Variants in C1QTNF3 observed in about 807,000 individuals in gnomAD.
C1QTNF3 encodes C1q and TNF related 3.
C1QTNF3 carries 26 observed loss-of-function variants against 32.6 expected under a neutral mutation model. The ratio of observed to expected loss-of-function variants is 0.80; its 90% CI spans 0.58 to 1.11. C1QTNF3 has a LOEUF of 1.11. Ranked by LOEUF, C1QTNF3 falls within the 50% of genes least tolerant of loss-of-function variation. The pLI is 0.00. For missense variants in C1QTNF3, 362 were observed against 398.2 expected (o/e 0.91, Z 0.77); for synonymous variants, 155 against 146.0 (o/e 1.06, Z -0.44).
the C1QTNF3 span, chr5:34,158,661 C>T: frequency 1.3e-5 from 2 of 152,048 alleles, no homozygotes; most frequent in Non-Finnish European, 2.9e-5. Context: ...TGACCATTAT[C>T]TGATTTCATA....
Position 34,029,079 on chromosome 5 carries a change from C to A in C1QTNF3, c.571-196G>T, listed in dbSNP as rs549516392. The A allele has an allele frequency of 5.4e-4, 222 of 413,624 alleles. 1 individual carries two copies. The highest frequency in any genetic ancestry group is 1.9e-3 in the Middle Eastern group (3 of 1,570). 25.6% of individuals were successfully genotyped at this position (413,624 alleles called of 1,614,324 possible). A position where few individuals can be genotyped will look rare whatever the true frequency, so the allele number is the denominator to read the frequency against. On this transcript the variant is annotated intron_variant, in intron 3 of 5. Transcript: ENST00000382065. ...CAGCCATTAGATTGACAATGTCTAT[C>A]AACAGTTCTGAACATAGGTTTCAAA...
chr5:34,174,251 G>C, the C1QTNF3 span, among the ~76,000 whole-genome samples: 1 of 152,270 alleles, frequency 6.6e-6, no homozygotes, highest in South Asian at 2.1e-4. Flanking sequence ...TAGAGACATG[G>C]TTTCACCATG....
intron 2 of C1QTNF3, 94 bp downstream of exon 2, chr5:34,035,553 C>T: frequency 1.1e-6 from 1 of 939,736 alleles, no homozygotes; most frequent in Non-Finnish European, 1.7e-6. Flanking sequence ...CTTTGGATCA[C>T]ACAGAAGTGA....
chr5:34,232,892 T>G, the C1QTNF3 span, among the ~76,000 whole-genome samples: 2 of 151,046 alleles, frequency 1.3e-5, no homozygotes, highest in Admixed American at 1.3e-4. Flanking sequence ...GTTTAACTCC[T>G]TGCAACTTAC....
At chr5:34,231,125 G>A in the C1QTNF3 span, among the ~76,000 whole-genome samples, 9 of 152,002 alleles carry the variant, frequency 5.9e-5, no homozygotes. Flanking sequence ...TCAAAATGGT[G>A]TACTTTCTTG....
chr5:34,117,886 C>T, the C1QTNF3 span, among the ~76,000 whole-genome samples: 72 of 151,798 alleles, frequency 4.7e-4, no homozygotes, highest in Non-Finnish European at 9.4e-4. Flanking sequence ...TGCATTTTTA[C>T]GCTGATGGCT....
chr5:34,024,208 T>A, intron 4 of C1QTNF3, 200 bp from the exon 5 acceptor site: 1 of 523,690 alleles, frequency 1.9e-6, no homozygotes, highest in Non-Finnish European at 3.5e-6. Flanking sequence ...GTACACTGTG[T>A]ATCCCGAATA....
chr5:34,222,585 T>C, the C1QTNF3 span, among the ~76,000 whole-genome samples: 2 of 152,044 alleles, frequency 1.3e-5, no homozygotes, highest in African/African-American at 4.8e-5. Flanking sequence ...TGCAATTTCA[T>C]AAAATGAAGT....
intron 2 of C1QTNF3, among the ~76,000 whole-genome samples, chr5:34,033,903 T>C (rs1327351314): frequency 6.6e-6 from 1 of 152,264 alleles, no homozygotes. Flanking sequence ...GGCTCACAAC[T>C]GTAATCTCAA....
the C1QTNF3 span, chr5:34,166,382 C>T: frequency 3.3e-5 from 5 of 151,664 alleles, no homozygotes; most frequent in Admixed American, 6.6e-5. Flanking sequence ...GTTTTAGACC[C>T]AGAGAGACTG....
chr5:34,039,771 CTAAAG>C (rs1003903738), intron 1 of C1QTNF3, among the ~76,000 whole-genome samples: 5 of 152,162 alleles, frequency 3.3e-5, no homozygotes, highest in African/African-American at 4.8e-5. Context: ...TGCAAAGATA[CTAAAG>C]TATTTTCCAA....
At chr5:34,068,650 G>A in the C1QTNF3 span, among the ~76,000 whole-genome samples, 1 of 151,858 alleles carries the variant, frequency 6.6e-6, no homozygotes, top group Non-Finnish European at 1.5e-5. Flanking sequence ...TACATTATTT[G>A]TCATACATAA....
chr5:34,073,244 G>A, the C1QTNF3 span, among the ~76,000 whole-genome samples: 3 of 151,652 alleles, frequency 2.0e-5, no homozygotes, highest in Admixed American at 1.3e-4. Context: ...GGAGAATGGC[G>A]TGAACCTGGG....
chr5:34,049,666 T>G, the C1QTNF3 span, among the ~76,000 whole-genome samples: 1 of 152,244 alleles, frequency 6.6e-6, no homozygotes, highest in African/African-American at 2.4e-5. Flanking sequence ...AATGGGAGAC[T>G]GATTTTCAGG....
chr5:34,034,520 A>C (rs2112114233), intron 2 of C1QTNF3, among the ~76,000 whole-genome samples: 1 of 152,304 alleles, frequency 6.6e-6, no homozygotes, highest in South Asian at 2.1e-4. Flanking sequence ...CTTTATTTTT[A>C]ATATTTGCTA....
the C1QTNF3 span, among the ~76,000 whole-genome samples, chr5:34,075,926 T>C: frequency 6.6e-6 from 1 of 150,830 alleles, no homozygotes; most frequent in African/African-American, 2.5e-5. Context: ...CACGGTGGAA[T>C]ATTCATCAGC....
the C1QTNF3 span, among the ~76,000 whole-genome samples, chr5:34,114,595 T>C: frequency 6.6e-6 from 1 of 152,158 alleles, no homozygotes; most frequent in East Asian, 1.9e-4. Context: ...TCACATTCTA[T>C]CTTATTTTGA....
At chr5:34,040,723 C>T (rs763573075) in intron 1 of C1QTNF3, among the ~76,000 whole-genome samples, 3 of 152,038 alleles carry the variant, frequency 2.0e-5, no homozygotes, top group Admixed American at 1.3e-4. Context: ...TGTAATGTCC[C>T]GTCGTCCCCC....
At chr5:34,174,339 G>A in the C1QTNF3 span, among the ~76,000 whole-genome samples, 2 of 152,280 alleles carry the variant, frequency 1.3e-5, no homozygotes, top group African/African-American at 2.4e-5. Flanking sequence ...TTACAGGCGT[G>A]AGCCACTGCA....
Sources: allele counts gnomAD v4.1 joint callset (sites outside exome capture counted in the v4.1 genomes callset), GRCh38; gene constraint gnomAD v4.1.1; transcripts MANE v1.5; gene names NCBI Gene and HGNC (gene_info 2026-07-23, HGNC 2026-07-21).